CIT: variants seen among roughly 807,000 people sequenced by gnomAD.
CIT encodes citron rho-interacting serine/threonine kinase, also known as citron Rho-interacting kinase.
Under a neutral mutation model 272.7 loss-of-function variants are expected in CIT, and 79 were observed. The ratio of observed to expected loss-of-function variants is 0.29; its 90% CI spans 0.24 to 0.35. CIT has a LOEUF of 0.35. CIT is among the 10% of genes least tolerant of loss of function. The probability of loss-of-function intolerance (pLI) is 1.00; values close to 1 mark genes in which losing one functional copy is unlikely to be tolerated. For missense variants in CIT, 1,909 were observed against 2,618.3 expected (o/e 0.73, Z 5.91); for synonymous variants, 948 against 995.6 (o/e 0.95, Z 0.90).
intron 24 of CIT, among the ~76,000 whole-genome samples, chr12:119,737,484 A>G (rs1274842738): frequency 6.6e-6 from 1 of 152,070 alleles, no homozygotes; most frequent in Non-Finnish European, 1.5e-5. Context: ...AAAAAATGCA[A>G]TTTATCATTT....
chr12:119,751,901 TA>T, intron 23 of CIT, 148 bp downstream of exon 23: 1 of 693,114 alleles, frequency 1.4e-6, no homozygotes, highest in Non-Finnish European at 2.3e-6. Context: ...GCAGCCTATG[TA>T]AGCCAATTTC....
At chr12:119,720,712 C>A in intron 29 of CIT, 127 bp from the exon 30 acceptor site, 1 of 602,942 alleles carries the variant, frequency 1.7e-6, no homozygotes, top group Non-Finnish European at 2.8e-6. Flanking sequence ...ACAAACAGTA[C>A]TGAGTCAGTA....
At chr12:119,869,027 G>A in intron 3 of CIT, 33 bp downstream of exon 3, 1 of 1,607,434 alleles carries the variant, frequency 6.2e-7, no homozygotes, top group Non-Finnish European at 8.5e-7. Context: ...TCTCTCTCAG[G>A]ACAGTTTTCA....
Position 119,710,886 on chromosome 12 carries a change from A to G in CIT, c.4855-266T>C, listed in dbSNP as rs895672115. On this transcript the variant is annotated intron_variant, in intron 37 of 47. Transcript: ENST00000392521. This position sits in a 1 kb window ranked among gnomAD's most constrained non-coding sequence, Gnocchi z 5.6. ...ATGCAGAAATAAGGGAGGGTAGTAG[A>G]CATGGAAAGCTATTCTGTAATAAGA... The G allele has an allele frequency of 8.0e-6, 5 of 624,404 alleles. No homozygotes were observed. The African/African-American group carries it at 9.2e-5, about 12-fold the overall frequency. 38.7% of individuals were successfully genotyped at this position (624,404 alleles called of 1,614,324 possible). A position where few individuals can be genotyped will look rare whatever the true frequency, so the allele number is the denominator to read the frequency against.
At chr12:119,813,922 T>C (rs1966904629) in intron 9 of CIT, among the ~76,000 whole-genome samples, 1 of 152,112 alleles carries the variant, frequency 6.6e-6, no homozygotes, top group South Asian at 2.1e-4. Flanking sequence ...ATTCTGGACT[T>C]TTTTTTCATG....
At chr12:119,714,961 T>C (rs1957372308) in intron 32 of CIT, among the ~76,000 whole-genome samples, 1 of 152,366 alleles carries the variant, frequency 6.6e-6, no homozygotes, top group South Asian at 2.1e-4. Context: ...GGTTTGGCTG[T>C]GTCCCCACCC....
chr12:119,851,809 G>A (rs10849702), intron 4 of CIT, among the ~76,000 whole-genome samples: 31,185 of 152,162 alleles, frequency 0.2, 3,400 homozygotes, highest in East Asian at 0.38. Context: ...GGCCAAGGCC[G>A]GAAGACTGCT....
intron 5 of CIT, among the ~76,000 whole-genome samples, chr12:119,849,164 C>G (rs748550834): frequency 6.6e-6 from 1 of 152,222 alleles, no homozygotes; most frequent in Non-Finnish European, 1.5e-5. Context: ...CAGTGGCTCA[C>G]TCCTGTAATC....
At chr12:119,708,094 A>C in intron 40 of CIT, 85 bp downstream of exon 40, 1 of 1,344,810 alleles carries the variant, frequency 7.4e-7, no homozygotes, top group South Asian at 1.8e-5. Flanking sequence ...ACTATCTTGA[A>C]GGTCAAATCA....
At chr12:119,703,758 C>T (rs1042745697) in intron 41 of CIT, among the ~76,000 whole-genome samples, 2 of 152,046 alleles carry the variant, frequency 1.3e-5, no homozygotes, top group African/African-American at 4.8e-5. Context: ...CATGAAAGCA[C>T]CAGAAATATA....
chr12:119,761,024 G>A lies in CIT; in HGVS notation c.2336C>T (p.Ala779Val). The part of the protein sequence containing the change: ...VLDNQIKKDL[A>V]DKETLENMMQ... Reference sequence around the variant, plus strand: ...CATGTTCTCCAGTGTCTCCTTGTCAGCCAGGTCTTTCTTTATCTGATTGTC... The same window carrying A: ...CATGTTCTCCAGTGTCTCCTTGTCAACCAGGTCTTTCTTTATCTGATTGTC... The change falls in exon 20 of 48, where the codon GCT (alanine) becomes GTT (valine). Residue 779 changes from alanine to valine, a missense_variant. This residue lies in a region of CIT where 530 missense variants were observed against 822.4 expected (regional missense o/e 0.64). Transcript: ENST00000392521. 1 of 1,614,042 alleles carries A rather than the reference G, an allele frequency of 6.2e-7. No individual in the cohort carries two copies. The highest frequency in any genetic ancestry group is 8.5e-7 in the Non-Finnish European group (1 of 1,179,932).
intron 33 of CIT, 83 bp downstream of exon 33, chr12:119,714,114 G>GA (rs1280744084): frequency 6.5e-7 from 1 of 1,529,690 alleles, no homozygotes; most frequent in Non-Finnish European, 8.9e-7. Context: ...TGATGAGTTA[G>GA]AAAAAAATCA....
intron 24 of CIT, among the ~76,000 whole-genome samples, chr12:119,741,154 T>TA (rs55710729): frequency 0.025 from 3,479 of 138,978 alleles, 52 homozygotes; most frequent in African/African-American, 0.056. Flanking sequence ...CACACAGTGA[T>TA]AAAAAAAAAA....
rs200052993 is a variant in CIT at position 119,803,380 on chromosome 12, G to T, written c.1121C>A (p.Pro374His). The T allele has an allele frequency of 7.4e-5, 116 of 1,566,818 alleles. No individual in the cohort carries two copies. Among genetic ancestry groups the T allele is most frequent in the African/African-American group, 1.8e-4 (13 of 71,606 alleles). Residue 374 changes from proline (P) to histidine (H), a missense_variant, in exon 10 of 48, where the codon CCC (proline) becomes CAC (histidine). Around this residue, in one of 8 missense-constraint regions of CIT, gnomAD observed 529 missense variants for 549.6 expected, o/e 0.96. Coordinates refer to ENST00000392521, the MANE Select transcript of CIT (RefSeq NM_001206999.2). ...DWNNIRNSPP[P>H]FVPTLKSDDD... ...GTCAGACTTGAGGGTGGGAACGAAG[G>T]GGGGAGGAGCTGGTTAAAGAAAAAC...
Position 119,728,781 on chromosome 12 carries a change from G to A in CIT, c.3487-175C>T, listed in dbSNP as rs1015925544. On this transcript the variant is annotated intron_variant, in intron 27 of 47. Coordinates refer to ENST00000392521, the MANE Select transcript of CIT (RefSeq NM_001206999.2). This position sits in a 1 kb window ranked among gnomAD's most constrained non-coding sequence, Gnocchi z 4.3. ...CCTGTCACTGGTGAGTCTTCCATAG[G>A]TTATTATATGAGGATGGAAATTATT... is the stretch of plus-strand genomic sequence containing the variant. 6.6e-6 allele frequency among the ~76,000 whole-genome samples: 1 copy of A among 152,176 alleles called. No homozygotes were observed. Among genetic ancestry groups the A allele is most frequent in the African/African-American group, 2.4e-5 (1 of 41,442 alleles).
chr12:119,702,632 G>A (rs963377530), intron 41 of CIT, among the ~76,000 whole-genome samples: 2 of 151,992 alleles, frequency 1.3e-5, no homozygotes, highest in African/African-American at 4.8e-5. Flanking sequence ...GGTTGCAGTG[G>A]GCTGAGATAG....
Position 119,730,099 on chromosome 12 carries a change from C to T in CIT, c.3486+396G>A, listed in dbSNP as rs77616479. Among the ~76,000 whole-genome samples, 475 of 152,260 alleles carry T rather than the reference C, an allele frequency of 3.1e-3. 2 individuals are homozygous for T. The highest frequency in any genetic ancestry group is 0.011 in the African/African-American group (448 of 41,542). On this transcript the variant is annotated intron_variant, in intron 27 of 47. Transcript: ENST00000392521. The stretch of plus-strand genomic sequence containing the variant: ...TTGGAACACGGAGAAGCTGAGCTGC[C>T]TATTACTGCAGCAATTGGATGAGCA...
At position 119,857,527 on chromosome 12, in the gene CIT, T is replaced by C. The variant is rs1950206972; in HGVS notation, c.410A>G (p.Glu137Gly). Residue 137 changes from glutamate to glycine, a missense_variant, in exon 4 of 48, where the codon GAG becomes GGG. Glu to Gly is a moderately conservative substitution (Grantham distance 98). This residue lies in a region of CIT where 529 missense variants were observed against 549.6 expected (regional missense o/e 0.96). Coordinates refer to ENST00000392521, the MANE Select transcript of CIT (RefSeq NM_001206999.2). ...VMKKKALLAQ[E>G]QVSFFEEERN... ...ATGATGTTAAAATCCTCCTACCTGC[T>C]CCTGGGCCAATAAAGCCTTCTTCTT... is the stretch of plus-strand genomic sequence containing the variant. 1.2e-6 allele frequency: 2 copies of C among 1,614,100 alleles called. No individual in the cohort carries two copies. Among genetic ancestry groups the C allele is most frequent in the Non-Finnish European group, 1.7e-6 (2 of 1,179,988 alleles).
intron 9 of CIT, among the ~76,000 whole-genome samples, chr12:119,820,040 C>T (rs1467595749): frequency 1.3e-5 from 2 of 152,136 alleles, no homozygotes; most frequent in Admixed American, 6.5e-5. Context: ...GCTGGCTGAG[C>T]TACACTAAGT....
Sources: allele counts gnomAD v4.1 joint callset (sites outside exome capture counted in the v4.1 genomes callset), GRCh38; gene constraint gnomAD v4.1.1; regional missense constraint gnomAD v4.1.1; non-coding constraint Gnocchi (gnomAD v3.1); transcripts MANE v1.5; gene names NCBI Gene and HGNC (gene_info 2026-07-23, HGNC 2026-07-21).